The following GFOD1 variants were observed in gnomAD, a reference collection of about 807,000 sequenced individuals.
GFOD1 encodes the protein glucose-fructose oxidoreductase domain-containing protein 1.
A neutral mutation model predicts 25.4 loss-of-function variants in GFOD1; 9 were observed. The ratio of observed to expected loss-of-function variants is 0.35; its 90% CI spans 0.21 to 0.62. GFOD1 has a LOEUF of 0.62. Ranked by LOEUF, GFOD1 falls within the 20% of genes least tolerant of loss-of-function variation. The pLI is 0.72. For synonymous variants in GFOD1, 253 were observed against 245.6 expected (o/e 1.03, Z -0.28); for missense variants, 403 against 556.9 (o/e 0.72, Z 2.78).
chr6:13,408,128 T>C (rs1694476550), intron 1 of GFOD1: 1 of 983,018 alleles, frequency 1.0e-6, no homozygotes, highest in Non-Finnish European at 1.2e-6. Context: ...ACATAGAGTC[T>C]TTATGAAGTG....
chr6:13,428,073 A>G (rs1354634631), intron 1 of GFOD1, among the ~76,000 whole-genome samples: 1 of 152,242 alleles, frequency 6.6e-6, no homozygotes, highest in Admixed American at 6.5e-5. Flanking sequence ...AGCTGGGTTC[A>G]AAGACTCACA....
intron 1 of GFOD1, among the ~76,000 whole-genome samples, chr6:13,382,040 A>T (rs1401577882): frequency 1.3e-5 from 2 of 152,058 alleles, no homozygotes; most frequent in African/African-American, 4.8e-5. Flanking sequence ...CAAAACCTGA[A>T]GAGGTTATTG....
intron 1 of GFOD1, among the ~76,000 whole-genome samples, chr6:13,458,100 C>A (rs1264166373): frequency 1.3e-5 from 2 of 152,096 alleles, no homozygotes; most frequent in East Asian, 1.9e-4. Flanking sequence ...TTGAATTATA[C>A]AATTTTTGTT....
At position 13,365,667 on chromosome 6, in the gene GFOD1, G is replaced by A. The variant is rs1398616936; in HGVS notation, c.254-5C>T. 6 of 1,588,070 alleles carry A rather than the reference G, an allele frequency of 3.8e-6. No homozygotes were observed. The highest frequency in any genetic ancestry group is 5.1e-6 in the Non-Finnish European group (6 of 1,170,944). ...AGATGACGTTCTTGCCGATGCCTGC[G>A]GGTGGGAGGAAGACAGCGGTCAGCG... On this transcript the variant is annotated splice_region_variant and splice_polypyrimidine_tract_variant and intron_variant, in intron 1 of 1. Coordinates refer to ENST00000379287, the MANE Select transcript of GFOD1 (RefSeq NM_018988.4). This position sits in a 1 kb window ranked among gnomAD's most constrained non-coding sequence, Gnocchi z 9.2.
intron 1 of GFOD1, among the ~76,000 whole-genome samples, chr6:13,459,689 G>A (rs1358905846): frequency 6.6e-6 from 1 of 152,092 alleles, no homozygotes; most frequent in Non-Finnish European, 1.5e-5. Context: ...AGTAGGCAAA[G>A]GACATAAACA....
chr6:13,375,354 C>T (rs1357863410), intron 1 of GFOD1, among the ~76,000 whole-genome samples: 1 of 152,194 alleles, frequency 6.6e-6, no homozygotes, highest in Non-Finnish European at 1.5e-5. Flanking sequence ...CTGCAGCACA[C>T]AGCACAAAAG....
chr6:13,440,658 T>C (rs970741775), intron 1 of GFOD1, among the ~76,000 whole-genome samples: 1 of 152,168 alleles, frequency 6.6e-6, no homozygotes, highest in Non-Finnish European at 1.5e-5. Context: ...CTGGCAGCAA[T>C]TTTGCTACCA....
At chr6:13,408,626 C>T (rs764126352) in intron 1 of GFOD1, among the ~76,000 whole-genome samples, 5 of 152,094 alleles carry the variant, frequency 3.3e-5, no homozygotes, top group Admixed American at 6.6e-5. Context: ...ACCTGATGCC[C>T]GGGCCCCTCT....
At chr6:13,443,182 G>T (rs1459885026) in intron 1 of GFOD1, among the ~76,000 whole-genome samples, 1 of 152,184 alleles carries the variant, frequency 6.6e-6, no homozygotes, top group Non-Finnish European at 1.5e-5. Context: ...AGAATTAGAA[G>T]TGGAGCCTGA....
intron 1 of GFOD1, among the ~76,000 whole-genome samples, chr6:13,463,610 G>A (rs1421764251): frequency 1.3e-5 from 2 of 152,064 alleles, no homozygotes; most frequent in African/African-American, 2.4e-5. Flanking sequence ...CAGTTCAGTG[G>A]GTCACAGCCA....
chr6:13,378,304 C>T (rs878560), intron 1 of GFOD1, among the ~76,000 whole-genome samples: 8,470 of 152,258 alleles, frequency 0.056, 772 homozygotes, highest in African/African-American at 0.19. Flanking sequence ...CTCAGAACTA[C>T]CAGATGGGTT....
intron 1 of GFOD1, among the ~76,000 whole-genome samples, chr6:13,478,581 T>C (rs1231579117): frequency 2.0e-5 from 3 of 152,228 alleles, no homozygotes; most frequent in Admixed American, 1.3e-4. Context: ...CATTTGGTCA[T>C]GTATCCCCCA....
intron 1 of GFOD1, among the ~76,000 whole-genome samples, chr6:13,389,351 T>C (rs903858289): frequency 1.3e-5 from 2 of 152,228 alleles, no homozygotes; most frequent in African/African-American, 4.8e-5. Flanking sequence ...CAGCAGAGTC[T>C]TGGAACCAAC....
intron 1 of GFOD1, among the ~76,000 whole-genome samples, chr6:13,483,299 G>C (rs2127580109): frequency 6.6e-6 from 1 of 152,252 alleles, no homozygotes; most frequent in South Asian, 2.1e-4. Flanking sequence ...AAGGGACAAG[G>C]AAGTTCCTGA....
chr6:13,408,674 C>T (rs914494437), intron 1 of GFOD1, among the ~76,000 whole-genome samples: 1 of 152,310 alleles, frequency 6.6e-6, no homozygotes, highest in African/African-American at 2.4e-5. Context: ...ACTCTGTGCT[C>T]ACCCGGGTAA....
At chr6:13,454,982 G>C (rs540654484) in intron 1 of GFOD1, among the ~76,000 whole-genome samples, 1 of 152,294 alleles carries the variant, frequency 6.6e-6, no homozygotes, top group East Asian at 1.9e-4. Context: ...GAAAGACACT[G>C]TAAAGGCATT....
rs58707530 is a variant in GFOD1, at chr6:13,390,780, AAAGGAAGG to A, written c.254-25126_254-25119del. Reference sequence around the variant, plus strand: ...GAGAGAAAGAGAGAGAGAGAGAGAGAAAGGAAGGAAGGAAGGAAGGAAGGAAGGAAGGA... The same window carrying A: ...GAGAGAAAGAGAGAGAGAGAGAGAGAAAGGAAGGAAGGAAGGAAGGAAGGA... On this transcript the variant is annotated intron_variant, in intron 1 of 1. Coordinates refer to ENST00000379287, the MANE Select transcript of GFOD1 (RefSeq NM_018988.4). 5.6e-3 allele frequency among the ~76,000 whole-genome samples: 659 copies of A among 117,956 alleles called. 8 individuals carry two copies. Among genetic ancestry groups the A allele is most frequent in the East Asian group, 0.019 (79 of 4,230 alleles). The allele number at this position is 117,956 out of a possible 152,430, so 77.4% of individuals were successfully genotyped here.
intron 1 of GFOD1, among the ~76,000 whole-genome samples, chr6:13,417,414 A>G (rs1786181062): frequency 6.6e-6 from 1 of 152,208 alleles, no homozygotes; most frequent in East Asian, 1.9e-4. Context: ...CGGCCTCCCA[A>G]AGTGCTGGGA....
At chr6:13,469,023 T>C (rs1758428429) in intron 1 of GFOD1, among the ~76,000 whole-genome samples, 1 of 152,222 alleles carries the variant, frequency 6.6e-6, no homozygotes, top group Non-Finnish European at 1.5e-5. Context: ...CAACAGACCT[T>C]GCTTCTTCTC....
Sources: gnomAD v4.1 joint callset for allele counts (sites outside exome capture counted in the v4.1 genomes callset) on GRCh38, gnomAD v4.1.1 for gene constraint, Gnocchi (gnomAD v3.1) non-coding constraint, MANE v1.5 for transcripts, NCBI Gene and HGNC (gene_info 2026-07-23, HGNC 2026-07-21) for gene names.